The following SEMA3E variants were observed in gnomAD, a reference collection of about 807,000 sequenced individuals.
SEMA3E encodes the protein semaphorin 3E.
SEMA3E carries 49 observed loss-of-function variants against 93.6 expected under a neutral mutation model. The observed-to-expected ratio is 0.52, with a 90% CI of 0.42 to 0.66. SEMA3E has a LOEUF of 0.66. Among genes scored for constraint, SEMA3E ranks in the 30% least tolerant of loss-of-function variants. The pLI is 0.00. For synonymous variants in SEMA3E, 363 were observed against 330.7 expected (o/e 1.10, Z -1.06); for missense variants, 906 against 964.8 (o/e 0.94, Z 0.81).
chr7:83,369,308 C>G (rs1794719644), intron 16 of SEMA3E, among the ~76,000 whole-genome samples: 1 of 152,142 alleles, frequency 6.6e-6, no homozygotes, highest in Non-Finnish European at 1.5e-5. Flanking sequence ...GCATGCCAGA[C>G]TCAGCTCTTT....
intron 1 of SEMA3E, among the ~76,000 whole-genome samples, chr7:83,623,538 A>T (rs1303470924): frequency 6.6e-6 from 1 of 151,898 alleles, no homozygotes; most frequent in African/African-American, 2.4e-5. Flanking sequence ...CACTTTTTGT[A>T]CTTTCTTCTA....
At chr7:83,391,136 C>G (rs753363679) in intron 14 of SEMA3E, among the ~76,000 whole-genome samples, 1 of 152,096 alleles carries the variant, frequency 6.6e-6, no homozygotes, top group Non-Finnish European at 1.5e-5. Context: ...TTTAAGCATT[C>G]TATTTCTTTG....
intron 5 of SEMA3E, among the ~76,000 whole-genome samples, chr7:83,409,205 C>T (rs1788388154): frequency 6.6e-6 from 1 of 152,094 alleles, no homozygotes; most frequent in Non-Finnish European, 1.5e-5. Flanking sequence ...CAGGAAATAA[C>T]CATGTGTCTT....
chr7:83,523,114 A>T (rs1261511940), intron 1 of SEMA3E, among the ~76,000 whole-genome samples: 2 of 152,146 alleles, frequency 1.3e-5, no homozygotes, highest in Non-Finnish European at 2.9e-5. Flanking sequence ...AGCTAGAGGG[A>T]GTATACCAGA....
At chr7:83,488,280 C>T (rs961383142) in intron 2 of SEMA3E, among the ~76,000 whole-genome samples, 1 of 152,066 alleles carries the variant, frequency 6.6e-6, no homozygotes, top group South Asian at 2.1e-4. Flanking sequence ...TGAGCATTCT[C>T]TAGAGCTGAA....
chr7:83,398,446 T>C (rs1376555910), intron 11 of SEMA3E, among the ~76,000 whole-genome samples: 6 of 152,168 alleles, frequency 3.9e-5, no homozygotes, highest in Non-Finnish European at 7.3e-5. Flanking sequence ...AAAAATTTTG[T>C]TGGAAGTCAC....
At chr7:83,561,355 G>A (rs1792026745) in intron 1 of SEMA3E, among the ~76,000 whole-genome samples, 2 of 152,070 alleles carry the variant, frequency 1.3e-5, no homozygotes, top group African/African-American at 4.8e-5. Context: ...GTTTCCCATA[G>A]GGTTCTCCTG....
At chr7:83,531,651 C>T (rs746181348) in intron 1 of SEMA3E, among the ~76,000 whole-genome samples, 2 of 151,960 alleles carry the variant, frequency 1.3e-5, no homozygotes, top group Non-Finnish European at 2.9e-5. Context: ...CCGTTCCCAG[C>T]CAATTGGAAT....
At chr7:83,404,275 G>T (rs1788286003) in intron 9 of SEMA3E, among the ~76,000 whole-genome samples, 1 of 151,874 alleles carries the variant, frequency 6.6e-6, no homozygotes, top group Admixed American at 6.6e-5. Context: ...GCAACAGCAG[G>T]ATTCTTGTCT....
chr7:83,443,494 A>G (rs1272077645), intron 4 of SEMA3E, among the ~76,000 whole-genome samples: 2 of 152,210 alleles, frequency 1.3e-5, no homozygotes, highest in African/African-American at 4.8e-5. Context: ...GCAAAGGTTT[A>G]TTTGCACAGC....
intron 11 of SEMA3E, among the ~76,000 whole-genome samples, chr7:83,398,335 T>G (rs1222245003): frequency 1.3e-5 from 2 of 152,180 alleles, no homozygotes; most frequent in Non-Finnish European, 2.9e-5. Flanking sequence ...TTTATTGCAG[T>G]TTTTGCCATT....
intron 1 of SEMA3E, among the ~76,000 whole-genome samples, chr7:83,520,339 G>A (rs1237469362): frequency 1.3e-5 from 2 of 152,014 alleles, no homozygotes; most frequent in Admixed American, 6.6e-5. Flanking sequence ...TCCTTCCAAG[G>A]ACCAAGGAAA....
At chr7:83,540,172 T>A (rs55640643) in intron 1 of SEMA3E, among the ~76,000 whole-genome samples, 1 of 151,980 alleles carries the variant, frequency 6.6e-6, no homozygotes, top group Admixed American at 6.6e-5. Flanking sequence ...CATGAGCCAC[T>A]GCTCCTGGCC....
At chr7:83,538,943 G>A (rs1404427909) in intron 1 of SEMA3E, among the ~76,000 whole-genome samples, 1 of 152,110 alleles carries the variant, frequency 6.6e-6, no homozygotes, top group African/African-American at 2.4e-5. Flanking sequence ...TTAATTTCCT[G>A]GATCCCATGA....
At chr7:83,620,378 C>G (rs1793525550) in intron 1 of SEMA3E, among the ~76,000 whole-genome samples, 1 of 152,140 alleles carries the variant, frequency 6.6e-6, no homozygotes, top group Admixed American at 6.6e-5. Flanking sequence ...CAAAAACAGC[C>G]TAGGACCAGA....
intron 1 of SEMA3E, among the ~76,000 whole-genome samples, chr7:83,585,515 A>G (rs1421365778): frequency 1.3e-5 from 2 of 152,182 alleles, no homozygotes; most frequent in African/African-American, 4.8e-5. Flanking sequence ...TTAAAGAGAT[A>G]AAATATTACA....
chr7:83,519,282 C>G (rs949840307), intron 1 of SEMA3E, among the ~76,000 whole-genome samples: 1 of 152,046 alleles, frequency 6.6e-6, no homozygotes, highest in African/African-American at 2.4e-5. Flanking sequence ...TCATCCATGT[C>G]CCTACAAAGG....
chr7:83,459,669 G>T (rs965027304), intron 4 of SEMA3E, among the ~76,000 whole-genome samples: 2 of 152,106 alleles, frequency 1.3e-5, no homozygotes, highest in South Asian at 4.1e-4. Context: ...TATGCTAATT[G>T]TCAGGCCTCT....
rs975059479 is a variant in SEMA3E at position 83,422,157 on chromosome 7, A to C, written c.457-3674T>G. On this transcript the variant is annotated intron_variant, in intron 4 of 16. Coordinates refer to ENST00000643230, the MANE Select transcript of SEMA3E (RefSeq NM_012431.3). ...GTGCCATTGCACTCCAGACTGGGCA[A>C]CAAGAGTGAAACTGTCTCAAAAATA... Among the ~76,000 whole-genome samples, 22 of 152,332 alleles carry C rather than the reference A, an allele frequency of 1.4e-4. No individual in the cohort carries two copies. In the East Asian group the frequency reaches 2.9e-3, roughly 20 times the overall value.
Sources: gnomAD v4.1 joint callset for allele counts (sites outside exome capture counted in the v4.1 genomes callset) on GRCh38, gnomAD v4.1.1 for gene constraint, MANE v1.5 for transcripts, NCBI Gene and HGNC (gene_info 2026-07-23, HGNC 2026-07-21) for gene names.